The following ABLIM2 variants were observed in gnomAD, a reference collection of about 807,000 sequenced individuals.
The protein encoded by ABLIM2 is actin-binding LIM protein 2.
A neutral mutation model predicts 97.7 loss-of-function variants in ABLIM2; 53 were observed. The ratio of observed to expected loss-of-function variants is 0.54; its 90% CI spans 0.44 to 0.68. The LOEUF is 0.68. Among genes scored for constraint, ABLIM2 ranks in the 30% least tolerant of loss-of-function variants. The pLI is 0.00. For synonymous variants in ABLIM2, 361 were observed against 345.8 expected, an observed-to-expected ratio of 1.04 and a Z score of -0.49; for missense variants, 835 against 867.2, an observed-to-expected ratio of 0.96 and a Z score of 0.47.
rs1394605215 is a variant in ABLIM2, at chr4:8,095,580, C to A, written c.338+1519G>T. Among the ~76,000 whole-genome samples the A allele has an allele frequency of 6.6e-6, 1 of 152,126 alleles. No individual in the cohort carries two copies. Among genetic ancestry groups the A allele is most frequent in the East Asian group, 1.9e-4 (1 of 5,204 alleles). ...TAATTAAAAAATAGAGATGGGGTCT[C>A]TTTATGTTTCCCAAGCTGGTCTCCA... On this transcript the variant is annotated intron_variant, in intron 3 of 20. Coordinates refer to ENST00000447017, the MANE Select transcript of ABLIM2 (RefSeq NM_001130083.2). This position sits in a 1 kb window ranked among gnomAD's most constrained non-coding sequence, Gnocchi z 4.7.
intron 14 of ABLIM2, among the ~76,000 whole-genome samples, chr4:8,014,513 T>C (rs1767411440): frequency 6.6e-6 from 1 of 152,216 alleles, no homozygotes; most frequent in Non-Finnish European, 1.5e-5. Flanking sequence ...TGAGTGAGTA[T>C]GTGGGCAGGG....
chr4:8,065,235 G>C (rs1806256872), intron 6 of ABLIM2, among the ~76,000 whole-genome samples: 1 of 152,212 alleles, frequency 6.6e-6, no homozygotes, highest in African/African-American at 2.4e-5. Flanking sequence ...CTGGATGACA[G>C]AGTGAAACCC....
intron 20 of ABLIM2, among the ~76,000 whole-genome samples, chr4:7,979,655 C>A (rs1736430989): frequency 6.6e-6 from 1 of 152,224 alleles, no homozygotes; most frequent in Non-Finnish European, 1.5e-5. Context: ...GACCCCTTTC[C>A]TCATAACCAT....
intron 14 of ABLIM2, among the ~76,000 whole-genome samples, chr4:8,014,581 G>A (rs999704262): frequency 6.6e-6 from 1 of 152,342 alleles, no homozygotes; most frequent in East Asian, 1.9e-4. Flanking sequence ...CTGTCTGGCC[G>A]TGGGCAAATC....
In ABLIM2 at chr4:8,112,175, T is replaced by C. The variant is rs1840665754; in HGVS notation, c.11-5538A>G. 6.6e-6 allele frequency among the ~76,000 whole-genome samples: 1 copy of C among 152,078 alleles called. No homozygotes were observed. Among genetic ancestry groups the C allele is most frequent in the Admixed American group, 6.6e-5 (1 of 15,262 alleles). On this transcript the variant is annotated intron_variant, in intron 1 of 20. Transcript: ENST00000447017. This position sits in a 1 kb window ranked among gnomAD's most constrained non-coding sequence, Gnocchi z 4.2. ...ATAACAAAAATGATTGCTGGTGTCG[T>C]TAACACACAACCTTCACAACAAAGG...
intron 1 of ABLIM2, among the ~76,000 whole-genome samples, chr4:8,133,795 G>C (rs2152934774): frequency 6.6e-6 from 1 of 152,352 alleles, no homozygotes; most frequent in Non-Finnish European, 1.5e-5. Context: ...GGTGTCAACA[G>C]GGAGCTGGCC....
At chr4:8,016,494 C>T (rs372581064) in intron 14 of ABLIM2, among the ~76,000 whole-genome samples, 1 of 152,166 alleles carries the variant, frequency 6.6e-6, no homozygotes, top group Admixed American at 6.5e-5. Context: ...TCCCATTTTC[C>T]AGGGGAGACA....
At chr4:8,136,477 T>C (rs1850219521) in intron 1 of ABLIM2, among the ~76,000 whole-genome samples, 1 of 152,206 alleles carries the variant, frequency 6.6e-6, no homozygotes, top group Non-Finnish European at 1.5e-5. Context: ...ATGATGCCAA[T>C]AGATGCTCTC....
chr4:8,079,499 C>T (rs1268723636), intron 5 of ABLIM2, among the ~76,000 whole-genome samples: 12 of 152,150 alleles, frequency 7.9e-5, no homozygotes, highest in African/African-American at 1.9e-4. Flanking sequence ...ACTCATGCAC[C>T]GCACAGGTCC....
intron 2 of ABLIM2, among the ~76,000 whole-genome samples, chr4:8,102,660 A>T (rs1286718077): frequency 6.6e-6 from 1 of 152,242 alleles, no homozygotes; most frequent in African/African-American, 2.4e-5. Context: ...GCCACGGACA[A>T]GAGGATAATC....
rs1802722220 is a variant in ABLIM2, at chr4:8,061,113, C to T, written c.676-59G>A. The T allele has an allele frequency of 6.9e-7, 1 of 1,454,596 alleles. No individual in the cohort carries two copies. The highest frequency in any genetic ancestry group is 9.4e-7 in the Non-Finnish European group (1 of 1,061,760). The allele number at this position is 1,454,596 out of a possible 1,614,324, so 90.1% of individuals were successfully genotyped here. ...TAAAGCCAGAAAGGTCGGCTGGGTC[C>T]CAGCGCCCGGCATGGATACAGCATG... On this transcript the variant is annotated intron_variant, in intron 6 of 20. Transcript: ENST00000447017. The surrounding 1 kb of genome is among the most constrained non-coding windows in gnomAD (Gnocchi z 4.5).
At position 8,148,439 on chromosome 4, in the gene ABLIM2, A is replaced by G. The variant is rs1051660703; in HGVS notation, c.10+10241T>C. ...ACGCGGGGGGGCCATGGCGCACCAC[A>G]GTTAGGAGTGCGGGTTCTGCAGCTG... On this transcript the variant is annotated intron_variant, in intron 1 of 20. Transcript: ENST00000447017. The surrounding 1 kb of genome is among the most constrained non-coding windows in gnomAD (Gnocchi z 6.7). Among the ~76,000 whole-genome samples, 1 of 152,152 alleles carries G rather than the reference A, an allele frequency of 6.6e-6. No homozygotes were observed. Among genetic ancestry groups the G allele is most frequent in the African/African-American group, 2.4e-5 (1 of 41,444 alleles).
chr4:8,102,225 G>C lies in ABLIM2; in HGVS notation c.154+4269C>G, dbSNP rs577907413. On this transcript the variant is annotated intron_variant, in intron 2 of 20. Coordinates refer to ENST00000447017, the MANE Select transcript of ABLIM2 (RefSeq NM_001130083.2). The stretch of plus-strand genomic sequence containing the variant: ...TGTTTCCCAAGCCTGCCTGCTTCCG[G>C]GTCTCTGCACTGGCTGTTCCCTCTG... 2.2e-3 allele frequency among the ~76,000 whole-genome samples: 340 copies of C among 152,246 alleles called. 2 individuals carry two copies. Among genetic ancestry groups the C allele is most frequent in the Non-Finnish European group, 2.7e-3 (187 of 68,022 alleles).
In ABLIM2 at chr4:8,002,895, C is replaced by T. The variant is rs1454719419; in HGVS notation, c.1618+5164G>A. ...CTTCAAGCCGTGCCAGGTACCGTCT[C>T]TCTGCACTGACTACTTACTGTATTT... On this transcript the variant is annotated intron_variant, in intron 16 of 20. Coordinates refer to ENST00000447017, the MANE Select transcript of ABLIM2 (RefSeq NM_001130083.2). The surrounding 1 kb of genome is among the most constrained non-coding windows in gnomAD (Gnocchi z 6.1). Among the ~76,000 whole-genome samples, 1 of 152,238 alleles carries T rather than the reference C, an allele frequency of 6.6e-6. No individual in the cohort carries two copies. Among genetic ancestry groups the T allele is most frequent in the Admixed American group, 6.5e-5 (1 of 15,276 alleles).
rs936322678 is a variant in ABLIM2, at chr4:8,127,419, C to T, written c.11-20782G>A. The T allele has an allele frequency of 6.4e-5, 74 of 1,165,256 alleles. No individual in the cohort carries two copies. Among genetic ancestry groups the T allele is most frequent in the East Asian group, 2.9e-4 (5 of 17,040 alleles). The allele number at this position is 1,165,256 out of a possible 1,614,324, so 72.2% of individuals were successfully genotyped here. A position where few individuals can be genotyped will look rare whatever the true frequency, so the allele number is the denominator to read the frequency against. On this transcript the variant is annotated intron_variant, in intron 1 of 20. Coordinates refer to ENST00000447017, the MANE Select transcript of ABLIM2 (RefSeq NM_001130083.2). The surrounding 1 kb of genome is among the most constrained non-coding windows in gnomAD (Gnocchi z 7.3). ...ACGCAGGGCACAACTTGACTGGACC[C>T]GTCCTTTCCCACCAGACCCCTGAAG...
At chr4:8,018,803 T>C (rs1475214665) in intron 14 of ABLIM2, among the ~76,000 whole-genome samples, 1 of 152,242 alleles carries the variant, frequency 6.6e-6, no homozygotes, top group Non-Finnish European at 1.5e-5. Context: ...AGTGACTTGA[T>C]ACAATTCCCA....
intron 8 of ABLIM2, among the ~76,000 whole-genome samples, chr4:8,050,179 C>T (rs1579812280): frequency 6.6e-6 from 1 of 152,306 alleles, no homozygotes; most frequent in East Asian, 1.9e-4. Context: ...ACCCCAACAC[C>T]TTGGGCGCCT....
At chr4:8,100,144 A>G (rs529316556) in intron 2 of ABLIM2, among the ~76,000 whole-genome samples, 30 of 152,042 alleles carry the variant, frequency 2.0e-4, no homozygotes, top group African/African-American at 5.3e-4. Flanking sequence ...TTTGGCACTG[A>G]CTCTAAGGAA....
rs35139996 is a variant in ABLIM2, at chr4:8,015,674, C to A, written c.1423+3944G>T. Among the ~76,000 whole-genome samples, 38,358 of 152,044 alleles carry A rather than the reference C, an allele frequency of 0.25. 5,764 individuals carry two copies. Among genetic ancestry groups the A allele is most frequent in the Non-Finnish European group, 0.36 (24,240 of 67,978 alleles). On this transcript the variant is annotated intron_variant, in intron 14 of 20. Transcript: ENST00000447017. This position sits in a 1 kb window ranked among gnomAD's most constrained non-coding sequence, Gnocchi z 4.6. ...GGTGGGCAGGAGTGACAGCCCCCACCTGCCGGACAAGTGGTGGGAGGTGTG... is the reference window on the plus strand; with the variant it reads ...GGTGGGCAGGAGTGACAGCCCCCACATGCCGGACAAGTGGTGGGAGGTGTG...
Sources: allele counts gnomAD v4.1 joint callset (sites outside exome capture counted in the v4.1 genomes callset), GRCh38; gene constraint gnomAD v4.1.1; non-coding constraint Gnocchi (gnomAD v3.1); transcripts MANE v1.5; gene names NCBI Gene and HGNC (gene_info 2026-07-23, HGNC 2026-07-21).